Variants in DMD observed in about 807,000 individuals in gnomAD.
DMD encodes mutant dystrophin.
DMD carries 63 observed loss-of-function variants against 330.1 expected under a neutral mutation model. The ratio of observed to expected loss-of-function variants is 0.19; its 90% CI spans 0.16 to 0.24. The LOEUF (loss-of-function observed/expected upper bound fraction) is 0.24, where lower values mean the gene tolerates loss of function less well. DMD is among the 10% of genes least tolerant of loss of function. The pLI, the probability that DMD is intolerant of heterozygous loss-of-function variation, is 1.00. For missense variants in DMD, 3,344 were observed against 2,684.1 expected, an observed-to-expected ratio of 1.25 and a Z score of -5.43; for synonymous variants, 1,223 against 959.8, an observed-to-expected ratio of 1.27 and a Z score of -5.07.
chrX:31,822,654 GTGTGTGTGTGTGT>G (rs1018031250), intron 49 of DMD, among the ~76,000 whole-genome samples: 17 of 8,853 alleles, frequency 1.9e-3, no homozygotes, highest in Admixed American at 0.018. Flanking sequence ...AGGCAGAGGG[GTGTGTGTGTGTGT>G]GTGTGTGTGT....
At chrX:31,877,691 GTGTGCACGCACGCGCGCACACAGGTA>G (rs1197581741) in intron 47 of DMD, among the ~76,000 whole-genome samples, 2 of 111,601 alleles carry the variant, frequency 1.8e-5, no homozygotes, top group Non-Finnish European at 3.8e-5. Context: ...GTGTGTGTGT[GTGTGCACGCACGCGCGCACACAGGTA>G]TGTGTGATGT....
At chrX:31,479,877 G>A (rs765657052) in intron 57 of DMD, among the ~76,000 whole-genome samples, 1 of 111,861 alleles carries the variant, frequency 8.9e-6, no homozygotes, top group Non-Finnish European at 1.9e-5. Context: ...GAAGCAGAGT[G>A]AAAACAGTAA....
At chrX:31,515,524 A>G (rs1179245224) in intron 55 of DMD, among the ~76,000 whole-genome samples, 3 of 108,260 alleles carry the variant, frequency 2.8e-5, no homozygotes, top group African/African-American at 1.0e-4. Flanking sequence ...ATTTTTATCT[A>G]ATTTAAATTA....
At chrX:31,974,566 A>G (rs1403158683) in intron 44 of DMD, among the ~76,000 whole-genome samples, 1 of 109,994 alleles carries the variant, frequency 9.1e-6, no homozygotes, top group Non-Finnish European at 1.9e-5. Flanking sequence ...AAATGCTGAA[A>G]CCATACAAAT....
intron 47 of DMD, among the ~76,000 whole-genome samples, chrX:31,890,277 G>C (rs1368248430): frequency 9.3e-6 from 1 of 107,221 alleles, no homozygotes; most frequent in Non-Finnish European, 1.9e-5. Flanking sequence ...GGGAGGCCGA[G>C]GAAGGAGGAC....
In DMD at chrX:31,914,894, T is replaced by G. The variant is rs747260163; in HGVS notation, c.6912+14702A>C. On this transcript the variant is annotated intron_variant, in intron 47 of 78. Coordinates refer to ENST00000357033, the MANE Select transcript of DMD (RefSeq NM_004006.3). ...AAAAATAAATAAGAGTATAATTGGATTGTTTGTAACACAAAAGATTAATGC... is the reference window on the plus strand; with the variant it reads ...AAAAATAAATAAGAGTATAATTGGAGTGTTTGTAACACAAAAGATTAATGC... Among the ~76,000 whole-genome samples, 11 of 112,673 alleles carry G rather than the reference T, an allele frequency of 9.8e-5. 1 individual carries two copies. The highest frequency in any genetic ancestry group is 2.1e-4 in the Non-Finnish European group (11 of 53,329).
intron 7 of DMD, among the ~76,000 whole-genome samples, chrX:32,723,258 C>A (rs1400117254): frequency 3.6e-5 from 4 of 111,305 alleles, no homozygotes; most frequent in Non-Finnish European, 7.6e-5. Context: ...TTAAACCAAC[C>A]TTGTGTCCTA....
At chrX:32,555,377 G>A (rs1185851597) in intron 16 of DMD, among the ~76,000 whole-genome samples, 1 of 111,484 alleles carries the variant, frequency 9.0e-6, no homozygotes, top group Admixed American at 9.5e-5. Flanking sequence ...CTGAAAACTG[G>A]CCCAAGATAA....
At position 32,377,774 on chromosome X, in the gene DMD, C is replaced by T. The variant is rs141615564; in HGVS notation, c.4845+2736G>A. On this transcript the variant is annotated intron_variant, in intron 34 of 78. Coordinates refer to ENST00000357033, the MANE Select transcript of DMD (RefSeq NM_004006.3). ...TACATGATGTGACAATTACGTATTG[C>T]ATGCCTGTATAAAAATGTCTCCTAT... 6.0e-3 allele frequency among the ~76,000 whole-genome samples: 673 copies of T among 111,455 alleles called. 5 individuals are homozygous for T. Among genetic ancestry groups the T allele is most frequent in the Non-Finnish European group, 0.01 (530 of 52,999 alleles).
chrX:32,669,788 T>A (rs745482224), intron 9 of DMD, among the ~76,000 whole-genome samples: 6 of 111,228 alleles, frequency 5.4e-5, no homozygotes, highest in Non-Finnish European at 9.4e-5. Flanking sequence ...TTGAAACACA[T>A]GACTTGTTAT....
intron 43 of DMD, among the ~76,000 whole-genome samples, chrX:32,284,798 A>G (rs2097433412): frequency 8.9e-6 from 1 of 112,266 alleles, no homozygotes; most frequent in African/African-American, 3.2e-5. Context: ...GATTGTACTA[A>G]AAGTCATAGG....
intron 7 of DMD, among the ~76,000 whole-genome samples, chrX:32,788,631 AAAAG>A (rs2075588248): frequency 8.9e-6 from 1 of 112,079 alleles, no homozygotes; most frequent in African/African-American, 3.2e-5. Flanking sequence ...TCCTGTCAGT[AAAAG>A]TTGCATATCT....
At chrX:32,528,180 G>A (rs1603635562) in intron 17 of DMD, among the ~76,000 whole-genome samples, 1 of 110,867 alleles carries the variant, frequency 9.0e-6, no homozygotes, top group Non-Finnish European at 1.9e-5. Flanking sequence ...GTGGTGGTGG[G>A]CACCTGTAAT....
intron 74 of DMD, among the ~76,000 whole-genome samples, chrX:31,160,765 G>C (rs757982398): frequency 2.7e-5 from 3 of 111,208 alleles, no homozygotes; most frequent in Non-Finnish European, 3.8e-5. Context: ...TACATTTTAG[G>C]CAACAGTGAC....
At chrX:31,915,212 T>G (rs947505503) in intron 47 of DMD, among the ~76,000 whole-genome samples, 1 of 101,214 alleles carries the variant, frequency 9.9e-6, no homozygotes, top group African/African-American at 4.0e-5. Flanking sequence ...TTGACTGGTC[T>G]CTCTTGGGAA....
intron 48 of DMD, among the ~76,000 whole-genome samples, chrX:31,873,804 G>C (rs183294780): frequency 1.8e-5 from 2 of 111,661 alleles, no homozygotes; most frequent in African/African-American, 6.5e-5. Context: ...GGAGATAGTG[G>C]TGTTCAATTG....
chrX:33,051,727 C>T (rs2094460589), intron 1 of DMD, among the ~76,000 whole-genome samples: 1 of 101,306 alleles, frequency 9.9e-6, no homozygotes, highest in Non-Finnish European at 2.0e-5. Context: ...CAACTCACTG[C>T]AACCTCCGCT....
intron 29 of DMD, among the ~76,000 whole-genome samples, chrX:32,426,154 C>G (rs1423348417): frequency 8.9e-6 from 1 of 111,910 alleles, no homozygotes; most frequent in Non-Finnish European, 1.9e-5. Flanking sequence ...ACAACTTCCT[C>G]ACAGAGTTCC....
In DMD at chrX:31,809,077, A is replaced by G. The variant is rs1388831590; in HGVS notation, c.7309+10898T>C. On this transcript the variant is annotated intron_variant, in intron 50 of 78. Coordinates refer to ENST00000357033, the MANE Select transcript of DMD (RefSeq NM_004006.3). ...AGATTGGCTAGTTTGTTTTATTTCA[A>G]TATTGTCTCTCATATATACATATAA... 2.8e-5 allele frequency among the ~76,000 whole-genome samples: 3 copies of G among 107,908 alleles called. No homozygotes were observed. In the East Asian group the frequency reaches 8.5e-4, roughly 31 times the overall value. The allele number at this position is 107,908 out of a possible 115,157, so 93.7% of individuals were successfully genotyped here.
Sources: allele counts gnomAD v4.1 joint callset (sites outside exome capture counted in the v4.1 genomes callset), GRCh38; gene constraint gnomAD v4.1.1; transcripts MANE v1.5; gene names NCBI Gene and HGNC (gene_info 2026-07-23, HGNC 2026-07-21).